The following KCNIP4 variants were observed in gnomAD, a reference collection of about 807,000 sequenced individuals.
KCNIP4 encodes potassium voltage-gated channel interacting protein 4.
In KCNIP4, 12 loss-of-function variants were observed where a neutral mutation model predicts 34.0. The ratio of observed to expected loss-of-function variants is 0.35; its 90% confidence interval spans 0.23 to 0.57. The LOEUF (loss-of-function observed/expected upper bound fraction) is 0.57. Ranked by LOEUF, KCNIP4 falls within the 20% of genes least tolerant of loss-of-function variation. The pLI is 0.83. For synonymous variants in KCNIP4, 124 were observed against 102.2 expected, an observed-to-expected ratio of 1.21 and a Z score of -1.29; for missense variants, 238 against 311.7, an observed-to-expected ratio of 0.76 and a Z score of 1.78.
chr4:21,695,797 T>A (rs1712247426), intron 1 of KCNIP4, among the ~76,000 whole-genome samples: 1 of 152,148 alleles, frequency 6.6e-6, no homozygotes, highest in Non-Finnish European at 1.5e-5. Context: ...GGAAACCTCA[T>A]GGAAAGCTTT....
intron 1 of KCNIP4, among the ~76,000 whole-genome samples, chr4:21,673,360 T>G (rs1481434006): frequency 6.6e-6 from 1 of 152,222 alleles, no homozygotes; most frequent in Non-Finnish European, 1.5e-5. Context: ...GATCAGGATA[T>G]ACTGTCTTCT....
chr4:21,708,743 T>C (rs969218078), intron 1 of KCNIP4, among the ~76,000 whole-genome samples: 2 of 152,306 alleles, frequency 1.3e-5, no homozygotes, highest in East Asian at 3.9e-4. Context: ...TTTAAAACAA[T>C]GAGGTTGCTC....
chr4:21,315,772 T>C (rs539836415), intron 1 of KCNIP4, among the ~76,000 whole-genome samples: 1 of 152,274 alleles, frequency 6.6e-6, no homozygotes, highest in African/African-American at 2.4e-5. Context: ...GAAGCCTCTC[T>C]TCCCTTCTGA....
intron 1 of KCNIP4, among the ~76,000 whole-genome samples, chr4:21,201,981 T>A (rs1234883984): frequency 2.0e-5 from 3 of 152,194 alleles, no homozygotes; most frequent in Non-Finnish European, 2.9e-5. Flanking sequence ...TTTAGAAACA[T>A]GATTTGGAGA....
chr4:21,525,517 A>T (rs1433769750), intron 1 of KCNIP4, among the ~76,000 whole-genome samples: 1 of 152,198 alleles, frequency 6.6e-6, no homozygotes, highest in African/African-American at 2.4e-5. Context: ...AAAATGACAG[A>T]TGCCTCACAA....
At chr4:21,629,699 G>C (rs1028916996) in intron 1 of KCNIP4, among the ~76,000 whole-genome samples, 1 of 151,974 alleles carries the variant, frequency 6.6e-6, no homozygotes, top group Non-Finnish European at 1.5e-5. Flanking sequence ...GATACCTATA[G>C]GGAATTTAGA....
At chr4:21,321,795 A>G in intron 1 of KCNIP4, among the ~76,000 whole-genome samples, 2 of 133,282 alleles carry the variant, frequency 1.5e-5, no homozygotes, top group African/African-American at 5.7e-5. Flanking sequence ...GGAAGGAAGG[A>G]GGGAGGGAGA....
intron 1 of KCNIP4, among the ~76,000 whole-genome samples, chr4:21,441,568 A>G (rs1218808614): frequency 6.6e-6 from 1 of 152,156 alleles, no homozygotes; most frequent in Non-Finnish European, 1.5e-5. Flanking sequence ...AAAAGCACAG[A>G]ATTAGGCAAA....
chr4:21,297,124 T>TA (rs1763889221), intron 1 of KCNIP4, among the ~76,000 whole-genome samples: 1 of 142,320 alleles, frequency 7.0e-6, no homozygotes, highest in South Asian at 2.3e-4. Flanking sequence ...ATATATATAT[T>TA]TGGAAAGGAG....
intron 1 of KCNIP4, among the ~76,000 whole-genome samples, chr4:21,141,987 T>C (rs1466337222): frequency 1.3e-5 from 2 of 151,398 alleles, no homozygotes; most frequent in Non-Finnish European, 2.9e-5. Flanking sequence ...CTGTCTCTAC[T>C]AAAAATACTA....
At chr4:21,897,906 C>T (rs780434561) in intron 1 of KCNIP4, among the ~76,000 whole-genome samples, 1 of 152,182 alleles carries the variant, frequency 6.6e-6, no homozygotes, top group Non-Finnish European at 1.5e-5. Flanking sequence ...ACTCCATCAC[C>T]ATCCCCTGGC....
Position 21,276,149 on chromosome 4 carries a change from A to G in KCNIP4, c.62-393440T>C, listed in dbSNP as rs16870697. Among the ~76,000 whole-genome samples, 1,031 of 152,292 alleles carry G rather than the reference A, an allele frequency of 6.8e-3. 44 individuals carry two copies. The East Asian group carries it at 0.14, about 20-fold the overall frequency. On this transcript the variant is annotated intron_variant, in intron 1 of 8. Transcript: ENST00000382152. ...GGGTAACAAAATACCCTAGGAAAAT[A>G]GTAGCTTTTATTCACAACACACAAC...
At chr4:21,925,620 C>T (rs1729200682) in intron 1 of KCNIP4, among the ~76,000 whole-genome samples, 3 of 152,146 alleles carry the variant, frequency 2.0e-5, no homozygotes, top group Admixed American at 2.0e-4. Context: ...CCCCCACCCT[C>T]TATTGTCTGC....
intron 1 of KCNIP4, among the ~76,000 whole-genome samples, chr4:21,875,639 C>T (rs1726069198): frequency 6.6e-6 from 1 of 152,060 alleles, no homozygotes; most frequent in African/African-American, 2.4e-5. Context: ...GAAATCAATG[C>T]CTGTGTTCAG....
intron 2 of KCNIP4, among the ~76,000 whole-genome samples, chr4:20,870,686 G>T (rs557514682): frequency 6.6e-6 from 1 of 152,096 alleles, no homozygotes; most frequent in South Asian, 2.1e-4. Context: ...AATTGATAGG[G>T]GAATAAAAAT....
intron 1 of KCNIP4, among the ~76,000 whole-genome samples, chr4:21,726,171 T>G (rs371848226): frequency 6.6e-6 from 1 of 152,258 alleles, no homozygotes. Flanking sequence ...GGGACATCAG[T>G]GTACTGTTAG....
intron 1 of KCNIP4, among the ~76,000 whole-genome samples, chr4:21,294,181 T>G (rs1275892564): frequency 6.6e-6 from 1 of 152,216 alleles, no homozygotes; most frequent in Non-Finnish European, 1.5e-5. Flanking sequence ...TAGCATCTAA[T>G]GCCATCTTCT....
rs145610139 is a variant in KCNIP4 at position 20,935,280 on chromosome 4, G to A, written c.62-52571C>T. ...TGATGGGGAAGATGAGGAAGTCAGT[G>A]GGGTATCTCTAACCAAATAGCTCAT... On this transcript the variant is annotated intron_variant, in intron 1 of 8. Transcript: ENST00000382152. 2.0e-3 allele frequency among the ~76,000 whole-genome samples: 299 copies of A among 152,252 alleles called. 1 individual carries two copies. Among genetic ancestry groups the A allele is most frequent in the African/African-American group, 7.0e-3 (289 of 41,554 alleles).
chr4:21,729,124 C>G (rs11930660), intron 1 of KCNIP4, among the ~76,000 whole-genome samples: 46,304 of 151,876 alleles, frequency 0.3, 8,204 homozygotes, highest in East Asian at 0.68. Context: ...GTGCTTAAAT[C>G]TGAGCACCTT....
Sources: gnomAD v4.1 joint callset for allele counts (sites outside exome capture counted in the v4.1 genomes callset) on GRCh38, gnomAD v4.1.1 for gene constraint, MANE v1.5 for transcripts, NCBI Gene and HGNC (gene_info 2026-07-23, HGNC 2026-07-21) for gene names.